WDPCP: variants seen among roughly 807,000 people sequenced by gnomAD.
The protein encoded by WDPCP is WD repeat-containing and planar cell polarity effector protein fritz homolog.
In WDPCP, 71 loss-of-function variants were observed where a neutral mutation model predicts 93.1. The observed-to-expected ratio is 0.76, with a 90% confidence interval of 0.63 to 0.93. The LOEUF is 0.93. WDPCP is among the 40% of genes least tolerant of loss of function. The pLI is 0.00. For synonymous variants in WDPCP, 315 were observed against 315.0 expected, an observed-to-expected ratio of 1.00 and a Z score of 0.00; for missense variants, 844 against 887.4, an observed-to-expected ratio of 0.95 and a Z score of 0.62.
rs1702471230 is a variant in WDPCP at position 63,515,130 on chromosome 2, T to C, written c.76-22190A>G. ...TCTAATGAAAATTAGATGATATACA[T>C]ATTTTAACTGTAAAATATTTTAATA... On this transcript the variant is annotated intron_variant, in intron 1 of 17. Transcript: ENST00000272321. 2.0e-5 allele frequency among the ~76,000 whole-genome samples: 3 copies of C among 152,138 alleles called. 1 individual carries two copies. Among genetic ancestry groups the C allele is most frequent in the East Asian group, 1.9e-4 (1 of 5,204 alleles).
At chr2:63,269,119 T>G (rs569876273) in intron 13 of WDPCP, among the ~76,000 whole-genome samples, 121 of 152,196 alleles carry the variant, frequency 8.0e-4, no homozygotes, top group Non-Finnish European at 1.6e-3. Context: ...ACATAACAGA[T>G]TTGAAAAGTG....
chr2:63,838,058 G>A, the WDPCP span, among the ~76,000 whole-genome samples: 1 of 151,838 alleles, frequency 6.6e-6, no homozygotes, highest in South Asian at 2.1e-4. Flanking sequence ...TCGCACCACT[G>A]CACTCCAGCC....
intron 1 of WDPCP, among the ~76,000 whole-genome samples, chr2:63,550,805 A>G (rs1705574776): frequency 6.6e-6 from 1 of 151,370 alleles, no homozygotes; most frequent in African/African-American, 2.4e-5. Context: ...ATATATATAT[A>G]CACACCCATA....
intron 13 of WDPCP, among the ~76,000 whole-genome samples, chr2:63,289,779 AT>A (rs373077456): frequency 1.6e-3 from 239 of 151,922 alleles, no homozygotes; most frequent in African/African-American, 5.4e-3. Flanking sequence ...TGCTTCATGC[AT>A]TTGAAGCTCA....
At chr2:63,458,913 GAGATAA>G (rs1444732718) in intron 6 of WDPCP, among the ~76,000 whole-genome samples, 7 of 152,192 alleles carry the variant, frequency 4.6e-5, no homozygotes, top group Admixed American at 2.6e-4. Flanking sequence ...TAGAGACACA[GAGATAA>G]ATCCACATAT....
At chr2:63,622,796 C>T in intron 3 of WDPCP, 2 of 1,612,386 alleles carry the variant, frequency 1.2e-6, no homozygotes, top group Non-Finnish European at 1.7e-6. Flanking sequence ...CCCAGGAACT[C>T]CGGAGCACGC....
chr2:63,379,365 C>A (rs927364328), intron 11 of WDPCP, among the ~76,000 whole-genome samples: 9 of 152,188 alleles, frequency 5.9e-5, no homozygotes, highest in Admixed American at 3.9e-4. Context: ...TAGTTTTAGG[C>A]ATATTTGGGT....
chr2:63,657,268 G>A (rs576652185), intron 2 of WDPCP, among the ~76,000 whole-genome samples: 9 of 138,506 alleles, frequency 6.5e-5, no homozygotes, highest in South Asian at 5.0e-4. Flanking sequence ...GCAGCGGCCC[G>A]ATCTCGACTC....
At position 63,523,746 on chromosome 2, in the gene WDPCP, G is replaced by A. The variant is rs936583410; in HGVS notation, c.76-30806C>T. On this transcript the variant is annotated intron_variant, in intron 1 of 17. Transcript: ENST00000272321. The stretch of plus-strand genomic sequence containing the variant: ...GGCCAATGTGGCAAAACGCCATCTC[G>A]AATAAAAATACAAAATTCGCTGGGC... Among the ~76,000 whole-genome samples, 7 of 151,796 alleles carry A rather than the reference G, an allele frequency of 4.6e-5. No homozygotes were observed. In the South Asian group the frequency reaches 1.0e-3, roughly 23 times the overall value.
intron 2 of WDPCP, among the ~76,000 whole-genome samples, chr2:63,670,800 C>A (rs549882843): frequency 9.2e-5 from 14 of 151,830 alleles, no homozygotes; most frequent in Non-Finnish European, 1.9e-4. Flanking sequence ...AAGTTAACAT[C>A]GTAAATAACA....
intron 13 of WDPCP, among the ~76,000 whole-genome samples, chr2:63,300,354 T>A (rs1167481055): frequency 1.3e-5 from 2 of 152,138 alleles, no homozygotes; most frequent in African/African-American, 4.8e-5. Context: ...ATCAAAATGG[T>A]GAGTAGAGGG....
chr2:63,783,934 A>T (rs1670433602), intron 2 of WDPCP, among the ~76,000 whole-genome samples: 1 of 152,200 alleles, frequency 6.6e-6, no homozygotes, highest in Non-Finnish European at 1.5e-5. Context: ...AAAAGAAAAA[A>T]GTTTAGCCTG....
At chr2:63,721,456 A>G (rs932765916) in intron 2 of WDPCP, among the ~76,000 whole-genome samples, 8 of 152,166 alleles carry the variant, frequency 5.3e-5, no homozygotes, top group Non-Finnish European at 8.8e-5. Flanking sequence ...CACTTGGACA[A>G]CTGTAATAGC....
chr2:63,190,933 G>C (rs940909559), intron 14 of WDPCP, among the ~76,000 whole-genome samples: 5 of 152,114 alleles, frequency 3.3e-5, no homozygotes, highest in African/African-American at 1.2e-4. Flanking sequence ...ATCCTGAATT[G>C]GGTAAATTTG....
At chr2:63,243,915 A>G (rs80255526) in intron 14 of WDPCP, among the ~76,000 whole-genome samples, 4,686 of 152,172 alleles carry the variant, frequency 0.031, 218 homozygotes, top group African/African-American at 0.1. Context: ...CAGAATATAC[A>G]TTCTTCTCAT....
chr2:63,806,792 G>A (rs1401758912), intron 2 of WDPCP, among the ~76,000 whole-genome samples: 1 of 152,206 alleles, frequency 6.6e-6, no homozygotes, highest in African/African-American at 2.4e-5. Flanking sequence ...ATATGGCTCT[G>A]TTCCGCCCGG....
intron 1 of WDPCP, among the ~76,000 whole-genome samples, chr2:63,567,057 G>A (rs2106447076): frequency 6.6e-6 from 1 of 152,316 alleles, no homozygotes; most frequent in East Asian, 1.9e-4. Flanking sequence ...GGGCTTCTAT[G>A]CCTTCTACTG....
At chr2:63,687,926 G>A (rs1006566279) in intron 2 of WDPCP, among the ~76,000 whole-genome samples, 1 of 152,154 alleles carries the variant, frequency 6.6e-6, no homozygotes, top group Non-Finnish European at 1.5e-5. Context: ...CCGAGATTTT[G>A]GAAGCATCCC....
chr2:63,793,200 T>C (rs1670568230), intron 2 of WDPCP, among the ~76,000 whole-genome samples: 1 of 152,154 alleles, frequency 6.6e-6, no homozygotes, highest in African/African-American at 2.4e-5. Flanking sequence ...TAGCACACTA[T>C]TGCCACAAAC....
Sources: gnomAD v4.1 joint callset for allele counts (sites outside exome capture counted in the v4.1 genomes callset) on GRCh38, gnomAD v4.1.1 for gene constraint, MANE v1.5 for transcripts, NCBI Gene and HGNC (gene_info 2026-07-23, HGNC 2026-07-21) for gene names.